RABGAP1L: variants seen among roughly 807,000 people sequenced by gnomAD.
RABGAP1L encodes rab GTPase-activating protein 1-like.
RABGAP1L carries 63 observed loss-of-function variants against 137.7 expected under a neutral mutation model. The ratio of observed to expected loss-of-function variants is 0.46; its 90% CI spans 0.37 to 0.56. The LOEUF is 0.56. Ranked by LOEUF, RABGAP1L falls within the 20% of genes least tolerant of loss-of-function variation. The probability of loss-of-function intolerance (pLI) is 0.00; values close to 1 mark genes in which losing one functional copy is unlikely to be tolerated. For missense variants in RABGAP1L, 1,095 were observed against 1,244.0 expected (o/e 0.88, Z 1.80); for synonymous variants, 431 against 433.7 (o/e 0.99, Z 0.08).
intron 1 of RABGAP1L, among the ~76,000 whole-genome samples, chr1:174,161,292 G>A (rs1664424872): frequency 6.6e-6 from 1 of 151,506 alleles, no homozygotes; most frequent in African/African-American, 2.4e-5. Context: ...GCCCAGGCTG[G>A]AGTGCAACAG....
intron 18 of RABGAP1L, among the ~76,000 whole-genome samples, chr1:174,760,839 T>G (rs1411751236): frequency 6.6e-6 from 1 of 152,170 alleles, no homozygotes; most frequent in Non-Finnish European, 1.5e-5. Context: ...CATCTGTTGT[T>G]TTTTGGCTTT....
chr1:174,619,858 A>T (rs1672271218), intron 13 of RABGAP1L, among the ~76,000 whole-genome samples: 2 of 152,232 alleles, frequency 1.3e-5, no homozygotes, highest in Non-Finnish European at 2.9e-5. Context: ...TTGGATAAAG[A>T]GTCAGGACCC....
At chr1:174,791,078 C>T (rs1210642821) in intron 18 of RABGAP1L, among the ~76,000 whole-genome samples, 2 of 151,620 alleles carry the variant, frequency 1.3e-5, no homozygotes, top group Admixed American at 6.6e-5. Context: ...GTAATCTCAG[C>T]TACTTGGGAG....
chr1:174,887,344 A>G (rs1219780755), intron 19 of RABGAP1L, among the ~76,000 whole-genome samples: 1 of 152,314 alleles, frequency 6.6e-6, no homozygotes, highest in African/African-American at 2.4e-5. Flanking sequence ...CACTTATATA[A>G]TATTCACAAA....
intron 13 of RABGAP1L, among the ~76,000 whole-genome samples, chr1:174,492,337 C>T (rs1037450709): frequency 2.0e-5 from 3 of 148,200 alleles, no homozygotes; most frequent in African/African-American, 7.7e-5. Flanking sequence ...CATGCCACCA[C>T]GCCTGACTAA....
At chr1:174,640,919 T>A (rs1674479645) in intron 14 of RABGAP1L, among the ~76,000 whole-genome samples, 1 of 148,266 alleles carries the variant, frequency 6.7e-6, no homozygotes, top group Admixed American at 6.8e-5. Context: ...GCCTTTTTTT[T>A]TAAAATAGTG....
chr1:174,282,040 A>G (rs759878125), intron 10 of RABGAP1L, among the ~76,000 whole-genome samples: 22 of 152,316 alleles, frequency 1.4e-4, no homozygotes, highest in Admixed American at 5.2e-4. Flanking sequence ...ATTCCTTTGT[A>G]TAGCTGTACC....
chr1:174,543,423 T>TC (rs1320493418), intron 13 of RABGAP1L, among the ~76,000 whole-genome samples: 1 of 121,890 alleles, frequency 8.2e-6, no homozygotes, highest in Non-Finnish European at 2.1e-5. Context: ...CAACCCCTGC[T>TC]TTTTTTTGTT....
Position 174,797,487 on chromosome 1 carries a change from G to A in RABGAP1L, c.2212-14345G>A, listed in dbSNP as rs1688332306. 3.4e-5 allele frequency among the ~76,000 whole-genome samples: 5 copies of A among 147,386 alleles called. No individual in the cohort carries two copies. In the South Asian group the frequency reaches 6.5e-4, roughly 19 times the overall value. On this transcript the variant is annotated intron_variant, in intron 18 of 25. Coordinates refer to ENST00000681986, the MANE Select transcript of RABGAP1L (RefSeq NM_001366446.1). The stretch of plus-strand genomic sequence containing the variant: ...TAAATGTGCGTGGTGTTGGGGGGGT[G>A]TGTGTGTGTGGTGTGTGGGATGTGT...
intron 17 of RABGAP1L, among the ~76,000 whole-genome samples, chr1:174,708,262 CT>C (rs1680197940): frequency 6.6e-6 from 1 of 152,170 alleles, no homozygotes; most frequent in Non-Finnish European, 1.5e-5. Context: ...ACACAATATT[CT>C]CCCTCCTTAT....
intron 13 of RABGAP1L, among the ~76,000 whole-genome samples, chr1:174,621,806 G>T (rs1672503119): frequency 1.3e-5 from 2 of 152,190 alleles, no homozygotes; most frequent in African/African-American, 4.8e-5. Flanking sequence ...AGGACTTCAT[G>T]TCTAAAACAC....
chr1:174,309,181 T>C (rs919470874), intron 11 of RABGAP1L, among the ~76,000 whole-genome samples: 2 of 152,058 alleles, frequency 1.3e-5, no homozygotes, highest in Non-Finnish European at 2.9e-5. Flanking sequence ...TAGTTTGCTG[T>C]TACTCTGTAG....
intron 17 of RABGAP1L, among the ~76,000 whole-genome samples, chr1:174,727,069 A>G (rs1682046733): frequency 6.6e-6 from 1 of 152,146 alleles, no homozygotes; most frequent in African/African-American, 2.4e-5. Context: ...ACCTTAGGCA[A>G]ATAATTTCAG....
At position 174,683,641 on chromosome 1, in the gene RABGAP1L, T is replaced by G. The variant is rs372457750; in HGVS notation, c.1899+45T>G. The G allele has an allele frequency of 2.1e-6, 3 of 1,420,302 alleles. No individual in the cohort carries two copies. In the Middle Eastern group the frequency reaches 5.3e-4, roughly 250 times the overall value. 88.0% of individuals were successfully genotyped at this position (1,420,302 alleles called of 1,614,324 possible). A position where few individuals can be genotyped will look rare whatever the true frequency, so the allele number is the denominator to read the frequency against. On this transcript the variant is annotated intron_variant, in intron 15 of 25. Transcript: ENST00000681986. ...ATAAATAGCACAGTGCTGCCAAGTT[T>G]ATTTTACTTTCTACTGGCTTTGTTC...
rs775086519 is a variant in RABGAP1L at position 174,219,233 on chromosome 1, G to C, written c.76G>C (p.Val26Leu). 5 of 1,603,594 alleles carry C rather than the reference G, an allele frequency of 3.1e-6. No homozygotes were observed. In the East Asian group the frequency reaches 1.1e-4, roughly 36 times the overall value. The change falls in exon 2 of 26, where the codon GTT (valine) becomes CTT (leucine). Residue 26 changes from valine to leucine, a missense_variant. By Grantham distance (32) the Val-to-Leu change is conservative (BLOSUM62 1). Around this residue, in one of 4 missense-constraint regions of RABGAP1L, gnomAD observed 356 missense variants for 326.3 expected, o/e 1.09. Transcript: ENST00000681986. ...GGCTACAATGAACAGTGAAGAATTT[G>C]TTTTGGTTCCTCAGTATGCAGATGA... ...SVATMNSEEF[V>L]LVPQYADDNS...
chr1:174,723,467 GGTC>G (rs1428090512), intron 17 of RABGAP1L, among the ~76,000 whole-genome samples: 2 of 152,168 alleles, frequency 1.3e-5, no homozygotes, highest in Admixed American at 1.3e-4. Flanking sequence ...TTGGAGATAA[GGTC>G]GTAAGAACAG....
chr1:174,321,383 G>A (rs1679960926), intron 11 of RABGAP1L, among the ~76,000 whole-genome samples: 1 of 151,966 alleles, frequency 6.6e-6, no homozygotes, highest in Non-Finnish European at 1.5e-5. Flanking sequence ...CACCCTATTC[G>A]TACACTCCCT....
chr1:174,697,402 A>G (rs374410851), intron 15 of RABGAP1L, among the ~76,000 whole-genome samples: 141 of 151,868 alleles, frequency 9.3e-4, no homozygotes, highest in African/African-American at 3.1e-3. Flanking sequence ...GCTCACTGCA[A>G]CCTCCACCTC....
intron 13 of RABGAP1L, among the ~76,000 whole-genome samples, chr1:174,562,568 C>G (rs561929722): frequency 3.5e-4 from 53 of 152,082 alleles, no homozygotes; most frequent in Non-Finnish European, 6.6e-4. Flanking sequence ...ATGTTTATTG[C>G]GGCACTATTC....
Sources: allele counts gnomAD v4.1 joint callset (sites outside exome capture counted in the v4.1 genomes callset), GRCh38; gene constraint gnomAD v4.1.1; regional missense constraint gnomAD v4.1.1; transcripts MANE v1.5; gene names NCBI Gene and HGNC (gene_info 2026-07-23, HGNC 2026-07-21).